Variants in ASXL1 observed in about 807,000 individuals in gnomAD.
ASXL1 encodes the protein ASXL transcriptional regulator 1, also known as polycomb group protein ASXL1.
A neutral mutation model predicts 89.1 loss-of-function variants in ASXL1; 65 were observed. The ratio of observed to expected loss-of-function variants is 0.73; its 90% CI spans 0.60 to 0.90. ASXL1 has a LOEUF of 0.90. Among genes scored for constraint, ASXL1 ranks in the 40% least tolerant of loss-of-function variants. The probability of loss-of-function intolerance (pLI) is 0.00; values close to 1 mark genes in which losing one functional copy is unlikely to be tolerated. For missense variants in ASXL1, 1,786 were observed against 1,942.9 expected, an observed-to-expected ratio of 0.92 and a Z score of 1.52; for synonymous variants, 739 against 746.9, an observed-to-expected ratio of 0.99 and a Z score of 0.17.
chr20:32,411,989 T>A (rs2049056497), intron 4 of ASXL1, among the ~76,000 whole-genome samples: 1 of 152,230 alleles, frequency 6.6e-6, no homozygotes, highest in Non-Finnish European at 1.5e-5. Flanking sequence ...CTTCTTTACT[T>A]ACCTGCTTTC....
At chr20:32,364,984 T>A (rs1463474367) in intron 1 of ASXL1, among the ~76,000 whole-genome samples, 1 of 152,156 alleles carries the variant, frequency 6.6e-6, no homozygotes, top group Non-Finnish European at 1.5e-5. Context: ...GGCGGACAGA[T>A]GAGCGAGAAA....
In ASXL1 at chr20:32,428,411, G is replaced by A; in HGVS notation, c.460G>A (p.Ala154Thr). Residue 154 changes from alanine (A) to threonine (T), a missense_variant, in exon 6 of 13, where the codon GCT becomes ACT. Physicochemically the swap from Ala to Thr is moderately conservative, Grantham distance 58 (BLOSUM62 0). Around this residue, in one of 3 missense-constraint regions of ASXL1, gnomAD observed 332 missense variants for 449.7 expected, o/e 0.74. Transcript: ENST00000375687. ...PLSNPRDSYR[A>T]SSQANKQKKK... ...TTCCAATCCCAGGGACAGCTACAGAGCTTCCTCACAGGTAAGGAAGAGGTA... is the reference window on the plus strand; with the variant it reads ...TTCCAATCCCAGGGACAGCTACAGAACTTCCTCACAGGTAAGGAAGAGGTA... 1 of 1,612,904 alleles carries A rather than the reference G, an allele frequency of 6.2e-7. No homozygotes were observed. Among genetic ancestry groups the A allele is most frequent in the Non-Finnish European group, 8.5e-7 (1 of 1,179,052 alleles).
intron 4 of ASXL1, among the ~76,000 whole-genome samples, chr20:32,388,439 G>A (rs907797849): frequency 2.0e-5 from 3 of 152,194 alleles, no homozygotes; most frequent in African/African-American, 4.8e-5. Flanking sequence ...GCCTCCCAAA[G>A]TGTTGGGATT....
At chr20:32,366,208 A>C (rs1161983828) in intron 1 of ASXL1, among the ~76,000 whole-genome samples, 176 bp from the exon 2 acceptor site, 1 of 152,238 alleles carries the variant, frequency 6.6e-6, no homozygotes, top group Non-Finnish European at 1.5e-5. Flanking sequence ...AGTTAATTGC[A>C]GTAACTTTTC....
intron 4 of ASXL1, among the ~76,000 whole-genome samples, chr20:32,395,405 TA>T (rs1014937608): frequency 2.0e-5 from 3 of 152,210 alleles, no homozygotes; most frequent in Non-Finnish European, 4.4e-5. Context: ...CGAGCAAATT[TA>T]TCTTTTTTGC....
In ASXL1 at chr20:32,429,842, C is replaced by T. The variant is rs2011464030; in HGVS notation, c.566-59C>T. ...GGAGAGCTGGGAGAAATGAGCTTGT[C>T]TGAGAGCCATGGGCGCGGCTTGGTG... On this transcript the variant is annotated intron_variant, in intron 7 of 12. Transcript: ENST00000375687. The surrounding 1 kb of genome is among the most constrained non-coding windows in gnomAD (Gnocchi z 4.9). 2.5e-6 allele frequency: 4 copies of T among 1,591,148 alleles called. No individual in the cohort carries two copies. Among genetic ancestry groups the T allele is most frequent in the South Asian group, 1.1e-5 (1 of 89,772 alleles).
chr20:32,376,867 T>TATAAATATC (rs1569253078), intron 4 of ASXL1, among the ~76,000 whole-genome samples: 1 of 140,672 alleles, frequency 7.1e-6, no homozygotes, highest in Non-Finnish European at 1.5e-5. Flanking sequence ...TATATAATTA[T>TATAAATATC]ATGTTATATA....
chr20:32,403,877 C>CT (rs59499955), intron 4 of ASXL1, among the ~76,000 whole-genome samples: 19 of 146,940 alleles, frequency 1.3e-4, no homozygotes, highest in East Asian at 1.2e-3. Context: ...TTTAGGTTGT[C>CT]TTTTTTTTTT....
chr20:32,419,765 T>G (rs1043724568), intron 4 of ASXL1, among the ~76,000 whole-genome samples: 3 of 150,214 alleles, frequency 2.0e-5, no homozygotes, highest in Non-Finnish European at 4.4e-5. Context: ...CACTGCAACC[T>G]CCGTCTCCCA....
chr20:32,363,736 C>G (rs767022183), intron 1 of ASXL1, among the ~76,000 whole-genome samples: 21 of 152,132 alleles, frequency 1.4e-4, no homozygotes, highest in Non-Finnish European at 2.4e-4. Context: ...TGAAGGGTAA[C>G]TAGGAGTTAG....
rs116465263 is a variant in ASXL1 at position 32,411,328 on chromosome 20, A to G, written c.253-16800A>G. Among the ~76,000 whole-genome samples, 1,093 of 136,972 alleles carry G rather than the reference A, an allele frequency of 8.0e-3. 12 individuals carry two copies. The highest frequency in any genetic ancestry group is 0.027 in the African/African-American group (1,045 of 38,238). The allele number at this position is 136,972 out of a possible 152,430, so 89.9% of individuals were successfully genotyped here. A position where few individuals can be genotyped will look rare whatever the true frequency, so the allele number is the denominator to read the frequency against. ...CTGCAACCTCTGTCTCCTGGGTTCA[A>G]GTGATTCATCTTCCTTAGCTTCACG... On this transcript the variant is annotated intron_variant, in intron 4 of 12. Transcript: ENST00000375687.
At chr20:32,369,722 T>TTTA (rs1424457696) in intron 4 of ASXL1, among the ~76,000 whole-genome samples, 46 of 139,988 alleles carry the variant, frequency 3.3e-4, no homozygotes, top group Non-Finnish European at 5.1e-4. Flanking sequence ...ATGTGCCTTT[T>TTTA]TTTTTTTTTT....
chr20:32,429,766 A>C lies in ASXL1; in HGVS notation c.566-135A>C. The C allele has an allele frequency of 3.1e-6, 4 of 1,273,888 alleles. No individual in the cohort carries two copies. Among genetic ancestry groups the C allele is most frequent in the Non-Finnish European group, 4.3e-6 (4 of 925,552 alleles). The allele number at this position is 1,273,888 out of a possible 1,614,324, so 78.9% of individuals were successfully genotyped here. A position where few individuals can be genotyped will look rare whatever the true frequency, so the allele number is the denominator to read the frequency against. On this transcript the variant is annotated intron_variant, in intron 7 of 12. Coordinates refer to ENST00000375687, the MANE Select transcript of ASXL1 (RefSeq NM_015338.6). This position sits in a 1 kb window ranked among gnomAD's most constrained non-coding sequence, Gnocchi z 4.9. ...AGACCATGAAGTGGTGGTTTCTCTC[A>C]GCCTAAGGCTGGGAGATGGAAGCAT...
chr20:32,387,431 G>A (rs2048598648), intron 4 of ASXL1, among the ~76,000 whole-genome samples: 1 of 152,154 alleles, frequency 6.6e-6, no homozygotes, highest in Non-Finnish European at 1.5e-5. Context: ...TGAGAGTCAG[G>A]CTCTTAAATA....
At chr20:32,407,359 A>C (rs931362236) in intron 4 of ASXL1, among the ~76,000 whole-genome samples, 4 of 151,996 alleles carry the variant, frequency 2.6e-5, no homozygotes, top group African/African-American at 9.7e-5. Flanking sequence ...GAAAAAAAAG[A>C]ATTGAAATAT....
intron 4 of ASXL1, among the ~76,000 whole-genome samples, chr20:32,395,829 C>T (rs2048751789): frequency 1.3e-5 from 2 of 152,152 alleles, no homozygotes; most frequent in Admixed American, 6.6e-5. Context: ...GACGGAGTCT[C>T]ATTCTGTCAC....
chr20:32,386,949 G>C (rs904260109), intron 4 of ASXL1, among the ~76,000 whole-genome samples: 1 of 151,966 alleles, frequency 6.6e-6, no homozygotes, highest in Non-Finnish European at 1.5e-5. Context: ...TTTCCAGCTG[G>C]TGCGTAACTA....
At position 32,358,805 on chromosome 20, in the gene ASXL1, G is replaced by T; in HGVS notation, c.30G>T (p.Glu10Asp). 6.6e-7 allele frequency: 1 copy of T among 1,508,434 alleles called. No individual in the cohort carries two copies. The allele number at this position is 1,508,434 out of a possible 1,614,324, so 93.4% of individuals were successfully genotyped here. Residue 10 changes from glutamate to aspartate, a missense_variant, in exon 1 of 13, where the codon GAG (glutamate) becomes GAT (aspartate). Physicochemically the swap from Glu to Asp is conservative, Grantham distance 45. Transcript: ENST00000375687. MKDKQKKKKERTWAEAARLV... is the reference protein window; with the variant it reads MKDKQKKKKDRTWAEAARLV... ...AGGACAAACAGAAGAAGAAGAAGGA[G>T]CGCACGTGGGCCGAGGCCGCGCGCC... is the stretch of plus-strand genomic sequence containing the variant.
chr20:32,391,231 A>G (rs2048665974), intron 4 of ASXL1, among the ~76,000 whole-genome samples: 1 of 152,146 alleles, frequency 6.6e-6, no homozygotes, highest in Non-Finnish European at 1.5e-5. Context: ...ATCTCATTGT[A>G]TAGATGTACC....
Sources: allele counts gnomAD v4.1 joint callset (sites outside exome capture counted in the v4.1 genomes callset), GRCh38; gene constraint gnomAD v4.1.1; regional missense constraint gnomAD v4.1.1; non-coding constraint Gnocchi (gnomAD v3.1); transcripts MANE v1.5; gene names NCBI Gene and HGNC (gene_info 2026-07-23, HGNC 2026-07-21).